EYA3: variants seen among roughly 807,000 people sequenced by gnomAD.
The protein encoded by EYA3 is protein phosphatase EYA3.
Under a neutral mutation model 80.0 loss-of-function variants are expected in EYA3, and 39 were observed. The observed-to-expected ratio is 0.49, with a 90% CI of 0.38 to 0.64. EYA3 has a LOEUF of 0.64. EYA3 is among the 30% of genes least tolerant of loss of function. The pLI is 0.00. For missense variants in EYA3, 523 were observed against 676.1 expected (o/e 0.77, Z 2.51); for synonymous variants, 206 against 232.8 (o/e 0.88, Z 1.05).
chr1:28,087,711 G>A (rs1179278284), intron 1 of EYA3, among the ~76,000 whole-genome samples: 2 of 152,184 alleles, frequency 1.3e-5, no homozygotes, highest in Non-Finnish European at 2.9e-5. Flanking sequence ...CCATTCTCAT[G>A]GGAACACAAA....
At chr1:27,977,238 G>A (rs1437722889) in intron 17 of EYA3, 1 of 1,533,118 alleles carries the variant, frequency 6.5e-7, no homozygotes, top group East Asian at 2.5e-5. Flanking sequence ...TACATAAAGT[G>A]ACAAATGAAA....
chr1:28,054,588 G>A (rs1161990076), intron 2 of EYA3, among the ~76,000 whole-genome samples: 4 of 152,176 alleles, frequency 2.6e-5, no homozygotes, highest in Non-Finnish European at 5.9e-5. Flanking sequence ...CAGAGAATAA[G>A]AGAGGTGCTT....
chr1:28,061,816 A>G (rs1302184093), intron 1 of EYA3, among the ~76,000 whole-genome samples: 1 of 151,876 alleles, frequency 6.6e-6, no homozygotes, highest in Admixed American at 6.6e-5. Context: ...AGCCAGGATG[A>G]TCTCGATCTC....
At chr1:28,012,042 T>G (rs1225624013) in intron 9 of EYA3, among the ~76,000 whole-genome samples, 1 of 152,210 alleles carries the variant, frequency 6.6e-6, no homozygotes, top group Non-Finnish European at 1.5e-5. Context: ...TTATTAATAT[T>G]GAACTTTTAA....
At chr1:28,060,734 G>A (rs1644589388) in intron 1 of EYA3, among the ~76,000 whole-genome samples, 2 of 152,178 alleles carry the variant, frequency 1.3e-5, no homozygotes, top group Admixed American at 1.3e-4. Context: ...GAAAAGAACT[G>A]GCCAGGCATG....
At chr1:27,979,566 C>T (rs1008004284) in intron 16 of EYA3, among the ~76,000 whole-genome samples, 1 of 152,168 alleles carries the variant, frequency 6.6e-6, no homozygotes, top group African/African-American at 2.4e-5. Context: ...AAAACATACA[C>T]AGATCATACT....
At chr1:28,015,320 T>C (rs113148220) in intron 8 of EYA3, among the ~76,000 whole-genome samples, 6 of 152,322 alleles carry the variant, frequency 3.9e-5, no homozygotes, top group African/African-American at 1.4e-4. Context: ...TAGGCCTGAA[T>C]GATTGGTAAA....
At chr1:28,076,952 G>A (rs1209587868) in intron 1 of EYA3, among the ~76,000 whole-genome samples, 1 of 150,628 alleles carries the variant, frequency 6.6e-6, no homozygotes, top group African/African-American at 2.4e-5. Context: ...TGTTGGTCAG[G>A]CTGGTCTCGA....
intron 6 of EYA3, among the ~76,000 whole-genome samples, chr1:28,034,319 T>C (rs1643325344): frequency 2.0e-5 from 3 of 152,130 alleles, no homozygotes; most frequent in Non-Finnish European, 4.4e-5. Flanking sequence ...AAAATTATAA[T>C]TGCTAGCCTA....
chr1:28,029,295 T>C (rs1212473867), intron 6 of EYA3, among the ~76,000 whole-genome samples: 1 of 152,228 alleles, frequency 6.6e-6, no homozygotes, highest in African/African-American at 2.4e-5. Flanking sequence ...CTACATATAT[T>C]ACAGAGATAC....
chr1:27,997,276 A>G, intron 13 of EYA3, 44 bp downstream of exon 13: 1 of 1,546,274 alleles, frequency 6.5e-7, no homozygotes, highest in Non-Finnish European at 8.9e-7. Context: ...CAGATCTTGC[A>G]CATAACAGGT....
chr1:28,038,816 T>C, intron 5 of EYA3, 23 bp downstream of exon 5: 1 of 1,448,518 alleles, frequency 6.9e-7, no homozygotes, highest in Non-Finnish European at 9.5e-7. Flanking sequence ...CATATGCATT[T>C]TGGAAATAAT....
chr1:28,077,348 C>T (rs1645258961), intron 1 of EYA3, among the ~76,000 whole-genome samples: 2 of 151,990 alleles, frequency 1.3e-5, no homozygotes, highest in South Asian at 2.1e-4. Context: ...TCAGGTGATC[C>T]GCCTGCCTCA....
intron 7 of EYA3, among the ~76,000 whole-genome samples, chr1:28,019,655 T>C (rs1642295503): frequency 6.6e-6 from 1 of 152,116 alleles, no homozygotes; most frequent in Admixed American, 6.6e-5. Context: ...TGGCATACAA[T>C]CCTCTTTTTC....
chr1:27,998,823 C>T (rs528457286), intron 12 of EYA3, among the ~76,000 whole-genome samples: 11 of 152,178 alleles, frequency 7.2e-5, no homozygotes, highest in African/African-American at 2.4e-4. Context: ...GGCTGGAGTG[C>T]AGTAGTGCAA....
intron 16 of EYA3, among the ~76,000 whole-genome samples, chr1:27,979,801 T>C (rs1639178215): frequency 6.6e-6 from 1 of 152,312 alleles, no homozygotes; most frequent in African/African-American, 2.4e-5. Context: ...CCTCAAGACA[T>C]TTGACTGCCA....
At position 27,970,551 on chromosome 1, in the gene EYA3, C is replaced by T. The variant is rs946475593; in HGVS notation, c.*3915G>A. ...AGAAGTCGTCCTTAATGGGAGGGCT[C>T]CTGTCAGTGCATTAGGAACTAGCCA... On this transcript the variant is annotated 3_prime_UTR_variant, in exon 18 of 18. Coordinates refer to ENST00000373871, the MANE Select transcript of EYA3 (RefSeq NM_001990.4). 2.6e-5 allele frequency: 4 copies of T among 152,178 alleles called. No individual in the cohort carries two copies. 9.4% of individuals were successfully genotyped at this position (152,178 alleles called of 1,614,324 possible). A position where few individuals can be genotyped will look rare whatever the true frequency, so the allele number is the denominator to read the frequency against.
intron 1 of EYA3, among the ~76,000 whole-genome samples, 189 bp downstream of exon 1, chr1:28,088,335 A>G (rs1213378938): frequency 2.0e-5 from 3 of 152,154 alleles, no homozygotes; most frequent in Non-Finnish European, 4.4e-5. Flanking sequence ...AAGCGCGAGA[A>G]GGCTAAGCTG....
chr1:28,031,235 G>A (rs1643121645), intron 6 of EYA3, among the ~76,000 whole-genome samples: 1 of 152,206 alleles, frequency 6.6e-6, no homozygotes, highest in African/African-American at 2.4e-5. Context: ...CAGCATCACT[G>A]TAGACCTGGC....
Sources: gnomAD v4.1 joint callset for allele counts (sites outside exome capture counted in the v4.1 genomes callset) on GRCh38, gnomAD v4.1.1 for gene constraint, MANE v1.5 for transcripts, NCBI Gene and HGNC (gene_info 2026-07-23, HGNC 2026-07-21) for gene names.